The following UBXN4 variants were observed in gnomAD, a reference collection of about 807,000 sequenced individuals.
UBXN4 encodes the protein UBX domain protein 4.
In UBXN4, 35 loss-of-function variants were observed where a neutral mutation model predicts 66.2. The ratio of observed to expected loss-of-function variants is 0.53; its 90% CI spans 0.40 to 0.70. The LOEUF (loss-of-function observed/expected upper bound fraction) is 0.70, where lower values mean the gene tolerates loss of function less well. UBXN4 is among the 30% of genes least tolerant of loss of function. The probability of loss-of-function intolerance (pLI) is 0.00; values close to 1 mark genes in which losing one functional copy is unlikely to be tolerated. For missense variants in UBXN4, 533 were observed against 599.8 expected (o/e 0.89, Z 1.16); for synonymous variants, 203 against 204.5 (o/e 0.99, Z 0.06).
At chr2:135,750,679 C>T (rs923666744) in intron 2 of UBXN4, among the ~76,000 whole-genome samples, 1 of 151,040 alleles carries the variant, frequency 6.6e-6, no homozygotes, top group Admixed American at 6.6e-5. Context: ...CAGAATCTGT[C>T]AATTTAAGTA....
chr2:135,769,210 C>T (rs1380174506), intron 6 of UBXN4, among the ~76,000 whole-genome samples: 2 of 152,028 alleles, frequency 1.3e-5, no homozygotes, highest in African/African-American at 2.4e-5. Flanking sequence ...CCATGTTGCT[C>T]AAGCTGGTCT....
chr2:135,745,649 G>C (rs2105489919), intron 1 of UBXN4, among the ~76,000 whole-genome samples: 1 of 152,048 alleles, frequency 6.6e-6, no homozygotes, highest in Non-Finnish European at 1.5e-5. Context: ...CTCTGAGAAG[G>C]GTTCGTAGTA....
chr2:135,757,471 C>T (rs1385743421), intron 5 of UBXN4, among the ~76,000 whole-genome samples: 1 of 152,104 alleles, frequency 6.6e-6, no homozygotes, highest in Non-Finnish European at 1.5e-5. Context: ...TTTCCCTTTT[C>T]CTCATTTGAG....
At chr2:135,771,162 A>G (rs1396776583) in intron 8 of UBXN4, among the ~76,000 whole-genome samples, 1 of 152,112 alleles carries the variant, frequency 6.6e-6, no homozygotes, top group Non-Finnish European at 1.5e-5. Context: ...AATTGCTTTT[A>G]TAATTCATCA....
At position 135,783,931 on chromosome 2, in the gene UBXN4, T is replaced by C. The variant is rs116010172; in HGVS notation, c.*1044T>C. The C allele has an allele frequency of 1.5e-3, 228 of 152,324 alleles. 1 individual carries two copies. The highest frequency in any genetic ancestry group is 5.1e-3 in the African/African-American group (211 of 41,582). 9.4% of individuals were successfully genotyped at this position (152,324 alleles called of 1,614,324 possible). A position where few individuals can be genotyped will look rare whatever the true frequency, so the allele number is the denominator to read the frequency against. ...TTGAAAACAGTTCCTCTGTTTTAGA[T>C]TGGAAGATAGCACTCTAGAGTGGAC... is the stretch of plus-strand genomic sequence containing the variant. On this transcript the variant is annotated 3_prime_UTR_variant, in exon 13 of 13. Transcript: ENST00000272638.
At chr2:135,779,902 AAT>A (rs200943146) in intron 11 of UBXN4, among the ~76,000 whole-genome samples, 11 of 146,228 alleles carry the variant, frequency 7.5e-5, no homozygotes, top group Admixed American at 2.8e-4. Context: ...TATAAAATAT[AAT>A]ATATATAATA....
Position 135,772,041 on chromosome 2 carries a change from A to C in UBXN4, c.823-379A>C, listed in dbSNP as rs1018490108. Among the ~76,000 whole-genome samples, 155 of 152,262 alleles carry C rather than the reference A, an allele frequency of 1.0e-3. 1 individual carries two copies. Among genetic ancestry groups the C allele is most frequent in the African/African-American group, 3.5e-3 (147 of 41,554 alleles). On this transcript the variant is annotated intron_variant, in intron 8 of 12. Transcript: ENST00000272638. ...TGGTGTTAGACAATTTCAGGCAGCA[A>C]AGGCACAGTGGCTCACAACTGTAAT...
At chr2:135,769,941 A>G in intron 7 of UBXN4, 118 bp downstream of exon 7, 2 of 728,666 alleles carry the variant, frequency 2.7e-6, no homozygotes, top group Non-Finnish European at 4.1e-6. Flanking sequence ...GTGTTGCAGC[A>G]CTATGAAGAT....
rs2077428446 is a variant in UBXN4 at position 135,778,079 on chromosome 2, A to G, written c.1054-869A>G. Among the ~76,000 whole-genome samples, 3 of 150,488 alleles carry G rather than the reference A, an allele frequency of 2.0e-5. 1 individual carries two copies. In the South Asian group the frequency reaches 6.4e-4, roughly 32 times the overall value. Reference sequence around the variant, plus strand: ...GTAGTCCCAGCTACTCGAGAGGCTGAGGCAGGAGAATGGTGTGAACCCGGG... The same window carrying G: ...GTAGTCCCAGCTACTCGAGAGGCTGGGGCAGGAGAATGGTGTGAACCCGGG... On this transcript the variant is annotated intron_variant, in intron 10 of 12. Transcript: ENST00000272638.
intron 9 of UBXN4, among the ~76,000 whole-genome samples, chr2:135,775,436 C>A (rs894598746): frequency 6.6e-6 from 1 of 152,178 alleles, no homozygotes; most frequent in African/African-American, 2.4e-5. Context: ...TAAACTGTAT[C>A]TCATACAACA....
intron 10 of UBXN4, 25 bp from the exon 11 acceptor site, chr2:135,778,923 T>G (rs747800265): frequency 1.1e-5 from 17 of 1,588,120 alleles, no homozygotes; most frequent in Non-Finnish European, 1.4e-5. Context: ...AGGCACTCTT[T>G]AAGTTTTTAA....
intron 10 of UBXN4, among the ~76,000 whole-genome samples, chr2:135,776,600 T>G (rs552964791): frequency 1.3e-5 from 2 of 152,170 alleles, no homozygotes; most frequent in African/African-American, 4.8e-5. Context: ...CTTTTCTTTT[T>G]TAAAATTTTT....
chr2:135,755,392 C>A, intron 4 of UBXN4, 125 bp from the exon 5 acceptor site: 1 of 657,736 alleles, frequency 1.5e-6, no homozygotes, highest in Non-Finnish European at 2.2e-6. Flanking sequence ...TTGGATTCAT[C>A]TATTTATGAG....
intron 4 of UBXN4, among the ~76,000 whole-genome samples, chr2:135,755,247 G>T (rs1204892905): frequency 6.6e-6 from 1 of 151,882 alleles, no homozygotes; most frequent in Non-Finnish European, 1.5e-5. Context: ...ATGGCTGGTA[G>T]AAGTTTGTAA....
chr2:135,751,719 A>G (rs1251314648), intron 2 of UBXN4, among the ~76,000 whole-genome samples: 6 of 151,788 alleles, frequency 4.0e-5, no homozygotes, highest in Non-Finnish European at 8.8e-5. Context: ...AAATGCGTAA[A>G]AAGTTTACAA....
At chr2:135,770,452 C>A in intron 7 of UBXN4, 119 bp from the exon 8 acceptor site, 1 of 650,104 alleles carries the variant, frequency 1.5e-6, no homozygotes, top group Non-Finnish European at 2.5e-6. Context: ...TTAATAAACT[C>A]GTCTAGACTT....
At chr2:135,772,924 C>T in intron 9 of UBXN4, among the ~76,000 whole-genome samples, 1 of 151,782 alleles carries the variant, frequency 6.6e-6, no homozygotes, top group East Asian at 1.9e-4. Flanking sequence ...GTAGTCCCAG[C>T]TACGCGGGAG....
intron 1 of UBXN4, among the ~76,000 whole-genome samples, chr2:135,746,125 C>A (rs1412432333): frequency 6.6e-6 from 1 of 152,026 alleles, no homozygotes; most frequent in Non-Finnish European, 1.5e-5. Context: ...ATCCGTCCGC[C>A]TAAGCCTCAC....
Position 135,772,483 on chromosome 2 carries a change from G to A in UBXN4, c.886G>A (p.Ala296Thr). ...TKEEVEAAKA[A>T]ALLAKQAEME... ...GGAAGAAGTAGAGGCTGCCAAAGCT[G>A]CTGCCTTGCTAGCAAAACAGGCAGA... Residue 296 changes from alanine (A) to threonine (T), a missense_variant, in exon 9 of 13, where the codon GCT (alanine) becomes ACT (threonine). This residue lies in a region of UBXN4 where 529 missense variants were observed against 580.1 expected (regional missense o/e 0.91). Coordinates refer to ENST00000272638, the MANE Select transcript of UBXN4 (RefSeq NM_014607.4). 1 of 1,614,100 alleles carries A rather than the reference G, an allele frequency of 6.2e-7. No homozygotes were observed. Among genetic ancestry groups the A allele is most frequent in the Non-Finnish European group, 8.5e-7 (1 of 1,179,962 alleles).
Sources: gnomAD v4.1 joint callset for allele counts (sites outside exome capture counted in the v4.1 genomes callset) on GRCh38, gnomAD v4.1.1 for gene constraint, gnomAD v4.1.1 regional missense constraint, MANE v1.5 for transcripts, NCBI Gene and HGNC (gene_info 2026-07-23, HGNC 2026-07-21) for gene names.